ANAPC15: variants seen among roughly 807,000 people sequenced by gnomAD.
ANAPC15 encodes the protein anaphase promoting complex subunit 15.
Under a neutral mutation model 19.8 loss-of-function variants are expected in ANAPC15, and 13 were observed. The observed-to-expected ratio is 0.66, with a 90% confidence interval of 0.43 to 1.04. The LOEUF is 1.04. Among genes scored for constraint, ANAPC15 ranks in the 50% least tolerant of loss-of-function variants. ANAPC15 has a pLI of 0.00. For synonymous variants in ANAPC15, 45 were observed against 50.7 expected, an observed-to-expected ratio of 0.89 and a Z score of 0.47; for missense variants, 88 against 150.3, an observed-to-expected ratio of 0.59 and a Z score of 2.17.
At chr11:72,108,458 T>C, downstream of ANAPC15, 2 of 665,506 alleles carry the variant, frequency 3.0e-6, no homozygotes, top group Non-Finnish European at 4.8e-6. Context: ...GATCCTGACT[T>C]CTTAGGTTCT....
At chr11:72,110,376 G>A in intron 4 of ANAPC15, 151 bp from the exon 5 acceptor site, 1 of 1,537,458 alleles carries the variant, frequency 6.5e-7, no homozygotes, top group Non-Finnish European at 8.8e-7. Flanking sequence ...TGTTCTGCAG[G>A]ACCTTAATGC....
In ANAPC15 at chr11:72,110,658, G is replaced by A. The variant is rs1447277669; in HGVS notation, c.121-55C>T. On this transcript the variant is annotated intron_variant, in intron 3 of 5. Coordinates refer to ENST00000227618, the MANE Select transcript of ANAPC15 (RefSeq NM_014042.3). ...CAGAGCCCAAGTAGGGCAGGTCAGGGGCATGGGACTGGCCCATTCTGCCCA... is the reference window on the plus strand; with the variant it reads ...CAGAGCCCAAGTAGGGCAGGTCAGGAGCATGGGACTGGCCCATTCTGCCCA... 2.5e-6 allele frequency: 4 copies of A among 1,605,312 alleles called. No individual in the cohort carries two copies. The Admixed American group carries it at 6.7e-5, about 27-fold the overall frequency.
downstream of ANAPC15, chr11:72,108,166 TG>T: frequency 7.1e-7 from 1 of 1,415,434 alleles, no homozygotes; most frequent in African/African-American, 1.4e-5. Flanking sequence ...CCCCAGGCCT[TG>T]CCCCCAGACA....
At chr11:72,112,778 C>G (rs1180671851), upstream of ANAPC15, 1 of 455,892 alleles carries the variant, frequency 2.2e-6, no homozygotes, top group African/African-American at 2.0e-5. Context: ...CCCGCTCCCG[C>G]CCACTAAACC....
chr11:72,108,896 G>A, downstream of ANAPC15: 1 of 1,548,250 alleles, frequency 6.5e-7, no homozygotes, highest in Non-Finnish European at 8.7e-7. Flanking sequence ...GGATGGAATA[G>A]CTCAGCTCAC....
chr11:72,109,452 C>T (rs1346824019), downstream of ANAPC15: 3 of 407,414 alleles, frequency 7.4e-6, no homozygotes, highest in African/African-American at 4.2e-5. Context: ...GCCAGGGATG[C>T]CCTGGCCTTC....
chr11:72,107,310 T>C (rs1306555798), downstream of ANAPC15: 1 of 605,014 alleles, frequency 1.7e-6, no homozygotes, highest in African/African-American at 1.9e-5. Flanking sequence ...AGATCAGAAA[T>C]ACATTTGATG....
In ANAPC15 at chr11:72,109,759, GC is replaced by G. The variant is rs1946181693; in HGVS notation, c.*121del. ...AGATCCTGGCAGCAGCTGAGGAGGTGCCCAAGGGCACTTTCAGGCACTGGGG... is the reference window on the plus strand; with the variant it reads ...AGATCCTGGCAGCAGCTGAGGAGGTGCCAAGGGCACTTTCAGGCACTGGGG... On this transcript the variant is annotated 3_prime_UTR_variant, in exon 6 of 6. Coordinates refer to ENST00000227618, the MANE Select transcript of ANAPC15 (RefSeq NM_014042.3). 4 of 1,247,672 alleles carry G rather than the reference GC, an allele frequency of 3.2e-6. No individual in the cohort carries two copies. The highest frequency in any genetic ancestry group is 2.3e-6 in the Non-Finnish European group (2 of 856,222). The allele number at this position is 1,247,672 out of a possible 1,614,324, so 77.3% of individuals were successfully genotyped here.
At chr11:72,108,051 G>A, downstream of ANAPC15, 2 of 1,550,462 alleles carry the variant, frequency 1.3e-6, no homozygotes, top group Non-Finnish European at 1.7e-6. Flanking sequence ...TCTTACTGTG[G>A]AGCGGGACCC....
chr11:72,112,291 CCTTT>C (rs1947231252), intron 1 of ANAPC15: 1 of 156,442 alleles, frequency 6.4e-6, no homozygotes. Context: ...AAGCCACCGC[CCTTT>C]CTTTGCTCAT....
At chr11:72,108,245 G>T, downstream of ANAPC15, 1 of 829,496 alleles carries the variant, frequency 1.2e-6, no homozygotes. Flanking sequence ...GATGCTGGAT[G>T]GTGTGTGAGC....
downstream of ANAPC15, chr11:72,108,665 C>A: frequency 6.5e-7 from 1 of 1,528,090 alleles, no homozygotes; most frequent in South Asian, 1.3e-5. Flanking sequence ...CCAGTATCAG[C>A]TGAGTCGGGC....
downstream of ANAPC15, chr11:72,108,918 C>G: frequency 6.5e-7 from 1 of 1,532,140 alleles, no homozygotes; most frequent in Non-Finnish European, 8.8e-7. Context: ...TATGCTGGAC[C>G]AGGCTGAGGT....
At chr11:72,108,696 A>G, downstream of ANAPC15, 2 of 1,546,348 alleles carry the variant, frequency 1.3e-6, no homozygotes, top group East Asian at 2.4e-5. Flanking sequence ...CTCCTGGCAC[A>G]CCGGCCACGA....
chr11:72,108,055 G>C (rs569916333), downstream of ANAPC15: 2 of 1,549,988 alleles, frequency 1.3e-6, no homozygotes, highest in Non-Finnish European at 1.7e-6. Flanking sequence ...ACTGTGGAGC[G>C]GGACCCACGC....
At chr11:72,107,586 G>A, downstream of ANAPC15, 1 of 697,482 alleles carries the variant, frequency 1.4e-6, no homozygotes, top group South Asian at 1.5e-5. Flanking sequence ...GCCACAGGTG[G>A]GAAGTACTGA....
intron 3 of ANAPC15, chr11:72,110,854 A>G: frequency 1.7e-6 from 1 of 582,502 alleles, no homozygotes; most frequent in Non-Finnish European, 3.0e-6. Context: ...ATCAGCCTAG[A>G]AAGCATCATC....
rs576880128 is a variant in ANAPC15, at chr11:72,111,817, C to T, written c.-95-321G>A. ...CCTCTCATGAATCACAGCCAAATGT[C>T]GGGGTGGAGGGATTGTAGCATATGC... On this transcript the variant is annotated intron_variant, in intron 1 of 5. Coordinates refer to ENST00000227618, the MANE Select transcript of ANAPC15 (RefSeq NM_014042.3). 13 of 154,444 alleles carry T rather than the reference C, an allele frequency of 8.4e-5. No homozygotes were observed. In the South Asian group the frequency reaches 2.2e-3, roughly 26 times the overall value. The allele number at this position is 154,444 out of a possible 1,614,324, so 9.6% of individuals were successfully genotyped here.
intron 4 of ANAPC15, 99 bp downstream of exon 4, chr11:72,110,443 AAC>A: frequency 6.4e-7 from 1 of 1,561,652 alleles, no homozygotes; most frequent in Admixed American, 1.7e-5. Flanking sequence ...CAGATCTGAG[AAC>A]CACAACTGCT....
Sources: gnomAD v4.1 joint callset for allele counts on GRCh38, gnomAD v4.1.1 for gene constraint, MANE v1.5 for transcripts, NCBI Gene and HGNC (gene_info 2026-07-23, HGNC 2026-07-21) for gene names.